Variants in GREB1 observed in about 807,000 individuals in gnomAD.
GREB1 encodes the protein growth regulating estrogen receptor binding 1.
In GREB1, 106 loss-of-function variants were observed where a neutral mutation model predicts 200.7. The ratio of observed to expected loss-of-function variants is 0.53; its 90% CI spans 0.45 to 0.62. The LOEUF (loss-of-function observed/expected upper bound fraction) is 0.62. GREB1 is among the 20% of genes least tolerant of loss of function. The pLI is 0.00. For missense variants in GREB1, 2,243 were observed against 2,556.8 expected (o/e 0.88, Z 2.65); for synonymous variants, 1,132 against 1,092.4 (o/e 1.04, Z -0.72).
intron 4 of GREB1, among the ~76,000 whole-genome samples, chr2:11,573,230 G>T (rs534382757): frequency 6.6e-6 from 1 of 152,174 alleles, no homozygotes; most frequent in East Asian, 1.9e-4. Context: ...ACACATAGCC[G>T]CCCAGGACGT....
rs757586964 is a variant in GREB1 at position 11,578,440 on chromosome 2, G to A, written c.772+9G>A. On this transcript the variant is annotated intron_variant, in intron 6 of 32. Coordinates refer to ENST00000381486, the MANE Select transcript of GREB1 (RefSeq NM_014668.4). ...GGGAGCTCAGCAGGCAGGTGAGGTG[G>A]TGGAGACACACCAGAGCTGCTAAAC... 5.6e-6 allele frequency: 9 copies of A among 1,613,288 alleles called. No individual in the cohort carries two copies. The East Asian group carries it at 6.7e-5, about 12-fold the overall frequency.
intron 17 of GREB1, among the ~76,000 whole-genome samples, chr2:11,604,169 C>T (rs1682041117): frequency 6.6e-6 from 1 of 152,154 alleles, no homozygotes; most frequent in African/African-American, 2.4e-5. Context: ...TGTAGAAATC[C>T]ACCTTGCTGG....
At chr2:11,617,435 C>G (rs1158297383) in intron 21 of GREB1, among the ~76,000 whole-genome samples, 1 of 152,232 alleles carries the variant, frequency 6.6e-6, no homozygotes, top group East Asian at 1.9e-4. Context: ...TAGACCTGAC[C>G]TCAGGGAACG....
intron 1 of GREB1, among the ~76,000 whole-genome samples, chr2:11,486,164 A>C (rs1486189336): frequency 3.9e-5 from 6 of 152,220 alleles, no homozygotes; most frequent in African/African-American, 1.4e-4. Flanking sequence ...TGGGCTAGCT[A>C]TTCCAGAGCG....
intron 17 of GREB1, 147 bp from the exon 18 acceptor site, chr2:11,610,541 G>A: frequency 3.2e-6 from 2 of 624,482 alleles, no homozygotes; most frequent in Non-Finnish European, 5.6e-6. Flanking sequence ...TCTCATTCAG[G>A]TTCCCACAAC....
chr2:11,589,263 G>A lies in GREB1; in HGVS notation c.1345+332G>A, dbSNP rs117617485. ...GAAGCAATAAACCAGTGGAAAACAG[G>A]CAGGTAAAGATGGGTGCATGCATTA... On this transcript the variant is annotated intron_variant, in intron 10 of 32. Transcript: ENST00000381486. Among the ~76,000 whole-genome samples, 245 of 152,314 alleles carry A rather than the reference G, an allele frequency of 1.6e-3. 3 individuals carry two copies. The East Asian group carries it at 0.042, about 26-fold the overall frequency.
chr2:11,621,676 A>T (rs547027402), intron 23 of GREB1, among the ~76,000 whole-genome samples: 1 of 152,260 alleles, frequency 6.6e-6, no homozygotes, highest in East Asian at 1.9e-4. Flanking sequence ...AGCTTGTCAG[A>T]CGAGTCCTGT....
In GREB1 at chr2:11,504,969, G is replaced by A. The variant is rs187998820; in HGVS notation, c.-159+22588G>A. On this transcript the variant is annotated intron_variant, in intron 1 of 2. Coordinates refer to the GREB1 transcript ENST00000628795. Reference sequence around the variant, plus strand: ...ATTTTTTGAGATAGAGTCTTGCTCTGTTGCCAGGCTGGAGTGCAGTGACGC... The same window carrying A: ...ATTTTTTGAGATAGAGTCTTGCTCTATTGCCAGGCTGGAGTGCAGTGACGC... Among the ~76,000 whole-genome samples the A allele has an allele frequency of 1.5e-3, 232 of 152,228 alleles. 1 individual carries two copies. Among genetic ancestry groups the A allele is most frequent in the African/African-American group, 5.4e-3 (224 of 41,530 alleles).
At chr2:11,495,534 T>A (rs566844097) in intron 1 of GREB1, among the ~76,000 whole-genome samples, 1 of 152,176 alleles carries the variant, frequency 6.6e-6, no homozygotes, top group Admixed American at 6.5e-5. Flanking sequence ...AAAAATAAGT[T>A]GGGGTCATGC....
intron 1 of GREB1, among the ~76,000 whole-genome samples, chr2:11,536,871 A>G (rs769125551): frequency 9.9e-5 from 15 of 152,260 alleles, no homozygotes; most frequent in African/African-American, 1.9e-4. Context: ...AGTTACATCA[A>G]TTTTAAAAGT....
chr2:11,605,522 C>T (rs1347666928), intron 17 of GREB1, among the ~76,000 whole-genome samples: 1 of 152,170 alleles, frequency 6.6e-6, no homozygotes, highest in Non-Finnish European at 1.5e-5. Flanking sequence ...CCGTGCCCGG[C>T]TGTGCATATT....
chr2:11,577,261 G>A (rs1170374469), intron 5 of GREB1, among the ~76,000 whole-genome samples: 12 of 152,114 alleles, frequency 7.9e-5, no homozygotes. Context: ...CAGCATCTGG[G>A]GTAGGGACCA....
chr2:11,525,999 C>T (rs1358807053), intron 1 of GREB1, among the ~76,000 whole-genome samples: 4 of 152,200 alleles, frequency 2.6e-5, no homozygotes, highest in Non-Finnish European at 4.4e-5. Context: ...GCTTCTAAGG[C>T]GTATTTCAGC....
At chr2:11,552,538 C>T (rs4669749) in intron 1 of GREB1, among the ~76,000 whole-genome samples, 1 of 152,008 alleles carries the variant, frequency 6.6e-6, no homozygotes, top group African/African-American at 2.4e-5. Context: ...GGTCAAATGA[C>T]GGATTCCAGT....
chr2:11,499,330 G>T (rs1004638822), intron 1 of GREB1, among the ~76,000 whole-genome samples: 2 of 152,242 alleles, frequency 1.3e-5, no homozygotes, highest in Non-Finnish European at 2.9e-5. Context: ...CACACAGGCC[G>T]GCTGCAGCCA....
At chr2:11,490,013 T>C (rs1389188044) in intron 1 of GREB1, among the ~76,000 whole-genome samples, 1 of 149,686 alleles carries the variant, frequency 6.7e-6, no homozygotes, top group Non-Finnish European at 1.5e-5. Context: ...TATACTCTAT[T>C]ATATTACAAT....
chr2:11,509,023 C>T (rs10191947), intron 1 of GREB1, among the ~76,000 whole-genome samples: 59,497 of 150,384 alleles, frequency 0.4, 12,053 homozygotes, highest in Middle Eastern at 0.56. Context: ...TACAGGCGCC[C>T]GCCACCACGC....
At chr2:11,570,144 C>T (rs1473985538) in intron 4 of GREB1, among the ~76,000 whole-genome samples, 1 of 152,082 alleles carries the variant, frequency 6.6e-6, no homozygotes, top group South Asian at 2.1e-4. Flanking sequence ...TGTGGTGGCT[C>T]ATGCCTGTAA....
At chr2:11,527,428 G>C (rs745466794) in intron 1 of GREB1, among the ~76,000 whole-genome samples, 1 of 152,190 alleles carries the variant, frequency 6.6e-6, no homozygotes, top group Non-Finnish European at 1.5e-5. Flanking sequence ...GCTGTTTTCT[G>C]TAATGGTTTC....
Sources: gnomAD v4.1 joint callset for allele counts (sites outside exome capture counted in the v4.1 genomes callset) on GRCh38, gnomAD v4.1.1 for gene constraint, MANE v1.5 for transcripts, NCBI Gene and HGNC (gene_info 2026-07-23, HGNC 2026-07-21) for gene names.